GRHL2: variants seen among roughly 807,000 people sequenced by gnomAD.
GRHL2 encodes the protein grainyhead like transcription factor 2, also known as grainyhead-like protein 2 homolog.
In GRHL2, 21 loss-of-function variants were observed where a neutral mutation model predicts 83.8. The ratio of observed to expected loss-of-function variants is 0.25; its 90% CI spans 0.18 to 0.36. The LOEUF is 0.36. Among genes scored for constraint, GRHL2 ranks in the 10% least tolerant of loss-of-function variants. The pLI is 1.00. For missense variants in GRHL2, 623 were observed against 781.8 expected (o/e 0.80, Z 2.42); for synonymous variants, 280 against 278.9 (o/e 1.00, Z -0.04).
At chr8:101,586,616 G>A (rs1374744178) in intron 7 of GRHL2, among the ~76,000 whole-genome samples, 2 of 152,176 alleles carry the variant, frequency 1.3e-5, no homozygotes, top group South Asian at 4.1e-4. Context: ...CATCCTACTA[G>A]ACGCTGAACT....
At chr8:101,526,133 G>C (rs1301958496) in intron 1 of GRHL2, among the ~76,000 whole-genome samples, 1 of 152,144 alleles carries the variant, frequency 6.6e-6, no homozygotes, top group Non-Finnish European at 1.5e-5. Flanking sequence ...ATTTTGGTTA[G>C]AGAATCCTGC....
At chr8:101,623,999 G>A (rs1259082947) in intron 9 of GRHL2, among the ~76,000 whole-genome samples, 1 of 144,350 alleles carries the variant, frequency 6.9e-6, no homozygotes, top group African/African-American at 2.7e-5. Flanking sequence ...CAGTAGGACA[G>A]TACACAGTAG....
At chr8:101,541,034 T>C (rs1811141816) in intron 1 of GRHL2, among the ~76,000 whole-genome samples, 1 of 152,068 alleles carries the variant, frequency 6.6e-6, no homozygotes, top group Non-Finnish European at 1.5e-5. Context: ...GTATTTGTTT[T>C]TTGTTGTTGT....
chr8:101,592,100 CTTTTTTT>C (rs11382067), intron 7 of GRHL2, among the ~76,000 whole-genome samples: 1 of 90,312 alleles, frequency 1.1e-5, no homozygotes, highest in Non-Finnish European at 2.0e-5. Context: ...TCTTTCTTTT[CTTTTTTT>C]TTTTTTTTTT....
Position 101,609,487 on chromosome 8 carries a change from G to A in GRHL2, c.1099-10052G>A, listed in dbSNP as rs117108559. Among the ~76,000 whole-genome samples, 347 of 151,138 alleles carry A rather than the reference G, an allele frequency of 2.3e-3. 9 individuals are homozygous for A. In the East Asian group the frequency reaches 0.057, roughly 25 times the overall value. On this transcript the variant is annotated intron_variant, in intron 8 of 15. Coordinates refer to ENST00000646743, the MANE Select transcript of GRHL2 (RefSeq NM_024915.4). The stretch of plus-strand genomic sequence containing the variant: ...ATATAAAGATGCTGCTAAGAAGGCT[G>A]CCCTTGATTTAAAGAAAGCAATTTC...
intron 8 of GRHL2, among the ~76,000 whole-genome samples, chr8:101,619,183 G>C (rs1812913895): frequency 6.6e-6 from 1 of 152,062 alleles, no homozygotes; most frequent in Admixed American, 6.5e-5. Context: ...AACCTGGGAG[G>C]GGGAGGTTGC....
Position 101,558,692 on chromosome 8 carries a change from C to A in GRHL2, c.558C>A (p.Ile186=). The A allele has an allele frequency of 6.2e-7, 1 of 1,614,190 alleles. No homozygotes were observed. Among genetic ancestry groups the A allele is most frequent in the South Asian group, 1.1e-5 (1 of 91,090 alleles). The change falls in exon 4 of 16, where the codon ATC becomes ATA. Residue 186 remains isoleucine (I), a synonymous_variant. Coordinates refer to ENST00000646743, the MANE Select transcript of GRHL2 (RefSeq NM_024915.4). ...RGDGEEQRVV[I]FEQTQYDVPS... ...ATGGGGAAGAGCAACGAGTGGTTATCTTTGAACAGACTCAGTATGACGTGC... is the reference window on the plus strand; with the variant it reads ...ATGGGGAAGAGCAACGAGTGGTTATATTTGAACAGACTCAGTATGACGTGC...
chr8:101,531,303 G>A (rs1290463984), intron 1 of GRHL2, among the ~76,000 whole-genome samples: 1 of 151,390 alleles, frequency 6.6e-6, no homozygotes, highest in East Asian at 1.9e-4. Context: ...ACCTGGGCAA[G>A]TTACTTAACA....
rs563991282 is a variant in GRHL2 at position 101,667,029 on chromosome 8, G to A, written c.*326G>A. ...GTCACTGCTAGCTCCAGATGAGACCGTCCAGCGTTCCCCCTTCAAGAGAAA... is the reference window on the plus strand; with the variant it reads ...GTCACTGCTAGCTCCAGATGAGACCATCCAGCGTTCCCCCTTCAAGAGAAA... On this transcript the variant is annotated 3_prime_UTR_variant, in exon 16 of 16. Coordinates refer to ENST00000646743, the MANE Select transcript of GRHL2 (RefSeq NM_024915.4). 2.1e-4 allele frequency: 90 copies of A among 436,798 alleles called. No homozygotes were observed. The highest frequency in any genetic ancestry group is 1.6e-3 in the African/African-American group (79 of 50,476). The allele number at this position is 436,798 out of a possible 1,614,324, so 27.1% of individuals were successfully genotyped here. A position where few individuals can be genotyped will look rare whatever the true frequency, so the allele number is the denominator to read the frequency against.
At chr8:101,514,627 A>G (rs974253504) in intron 1 of GRHL2, among the ~76,000 whole-genome samples, 4 of 152,214 alleles carry the variant, frequency 2.6e-5, no homozygotes, top group African/African-American at 9.6e-5. Context: ...AGCTGGGCCC[A>G]TGGGCAGCTG....
intron 1 of GRHL2, among the ~76,000 whole-genome samples, chr8:101,521,342 G>A (rs183123025): frequency 4.2e-4 from 64 of 152,324 alleles, no homozygotes; most frequent in Non-Finnish European, 7.2e-4. Flanking sequence ...AGCCCATGGC[G>A]AAGTGTGGTC....
intron 8 of GRHL2, among the ~76,000 whole-genome samples, chr8:101,615,369 A>G (rs898304853): frequency 1.6e-4 from 25 of 152,316 alleles, no homozygotes; most frequent in African/African-American, 6.0e-4. Context: ...GTCTGAGTGT[A>G]TGTATGTCCA....
chr8:101,564,767 A>T (rs117746328), intron 4 of GRHL2, among the ~76,000 whole-genome samples: 1 of 139,036 alleles, frequency 7.2e-6, no homozygotes, highest in Admixed American at 7.6e-5. Context: ...AGCTATGATC[A>T]TGCCACTGCA....
intron 1 of GRHL2, among the ~76,000 whole-genome samples, chr8:101,534,748 T>C (rs576467689): frequency 6.6e-5 from 10 of 152,282 alleles, no homozygotes; most frequent in African/African-American, 2.4e-4. Context: ...TGGGATTTTC[T>C]AATGAAGTGG....
At chr8:101,598,823 C>T (rs1812452094) in intron 7 of GRHL2, among the ~76,000 whole-genome samples, 1 of 152,066 alleles carries the variant, frequency 6.6e-6, no homozygotes, top group East Asian at 1.9e-4. Flanking sequence ...AACAAATTAG[C>T]TAAGAACATT....
chr8:101,564,983 C>T (rs896116715), intron 4 of GRHL2, among the ~76,000 whole-genome samples: 1 of 152,094 alleles, frequency 6.6e-6, no homozygotes, highest in African/African-American at 2.4e-5. Flanking sequence ...TGGTTTCTGC[C>T]TTCTAGAAGC....
chr8:101,676,691 C>T, the GRHL2 span, among the ~76,000 whole-genome samples: 1 of 152,122 alleles, frequency 6.6e-6, no homozygotes, highest in Admixed American at 6.6e-5. Context: ...TACCATTTGA[C>T]CCAGCCATCC....
At chr8:101,515,871 A>G (rs187612725) in intron 1 of GRHL2, among the ~76,000 whole-genome samples, 11 of 152,260 alleles carry the variant, frequency 7.2e-5, no homozygotes, top group African/African-American at 2.6e-4. Flanking sequence ...TTTCATAGTT[A>G]CTGTACGTAG....
rs1388328478 is a variant in GRHL2, at chr8:101,657,033, C to T, written c.1699-7421C>T. 3.3e-5 allele frequency among the ~76,000 whole-genome samples: 5 copies of T among 152,114 alleles called. No individual in the cohort carries two copies. In the East Asian group the frequency reaches 7.7e-4, roughly 23 times the overall value. On this transcript the variant is annotated intron_variant, in intron 14 of 15. Coordinates refer to ENST00000646743, the MANE Select transcript of GRHL2 (RefSeq NM_024915.4). ...AGCTGATGTCTACAAAGAAAAAGGTCGCTCATGGCCTTAGTAGCACCCAGT... is the reference window on the plus strand; with the variant it reads ...AGCTGATGTCTACAAAGAAAAAGGTTGCTCATGGCCTTAGTAGCACCCAGT...
Sources: gnomAD v4.1 joint callset for allele counts (sites outside exome capture counted in the v4.1 genomes callset) on GRCh38, gnomAD v4.1.1 for gene constraint, MANE v1.5 for transcripts, NCBI Gene and HGNC (gene_info 2026-07-23, HGNC 2026-07-21) for gene names.